Variants in TSC2 observed in about 807,000 individuals in gnomAD.
The protein encoded by TSC2 is TSC complex subunit 2.
In TSC2, 29 loss-of-function variants were observed where a neutral mutation model predicts 202.2. That is an observed-to-expected ratio of 0.14 (90% CI 0.11 to 0.20). TSC2 has a LOEUF of 0.20. TSC2 is among the 10% of genes least tolerant of loss of function. The pLI is 1.00. For missense variants in TSC2, 2,429 were observed against 2,420.0 expected, an observed-to-expected ratio of 1.00 and a Z score of -0.08; for synonymous variants, 1,349 against 1,044.0, an observed-to-expected ratio of 1.29 and a Z score of -5.63.
chr16:2,087,409 C>T (rs2090954739), intron 38 of TSC2, among the ~76,000 whole-genome samples: 1 of 151,330 alleles, frequency 6.6e-6, no homozygotes, highest in South Asian at 2.1e-4. Flanking sequence ...AACCAAAACC[C>T]CGGGGCTGGT....
rs1318655892 is a variant in TSC2 at position 2,070,547 on chromosome 16, C to G, written c.1808C>G (p.Thr603Ser). ...HIQLHYKHSY[T>S]LPIASSIRLQ... The stretch of plus-strand genomic sequence containing the variant: ...CAGCTCCACTACAAGCACAGCTACA[C>G]CCTGCCAATCGCGAGCAGCATCCGG... Residue 603 changes from threonine (T) to serine (S), a missense_variant, in exon 17 of 42, where the codon ACC (threonine) becomes AGC (serine). Physicochemically the swap from Thr to Ser is moderately conservative, Grantham distance 58. Coordinates refer to ENST00000219476, the MANE Select transcript of TSC2 (RefSeq NM_000548.5). 1 of 1,613,270 alleles carries G rather than the reference C, an allele frequency of 6.2e-7. No homozygotes were observed. Among genetic ancestry groups the G allele is most frequent in the East Asian group, 2.2e-5 (1 of 44,884 alleles).
intron 37 of TSC2, 60 bp from the exon 38 acceptor site, chr16:2,086,672 C>G: frequency 6.2e-7 from 1 of 1,600,282 alleles, no homozygotes. Context: ...TGCCCCAGTG[C>G]AAGGCACAGA....
rs545409457 is a variant in TSC2, at chr16:2,079,887, T to A, written c.3397+218T>A. 6.6e-6 allele frequency among the ~76,000 whole-genome samples: 1 copy of A among 152,294 alleles called. No homozygotes were observed. Among genetic ancestry groups the A allele is most frequent in the South Asian group, 2.1e-4 (1 of 4,826 alleles). On this transcript the variant is annotated intron_variant, in intron 29 of 41. Coordinates refer to ENST00000219476, the MANE Select transcript of TSC2 (RefSeq NM_000548.5). The surrounding 1 kb of genome is among the most constrained non-coding windows in gnomAD (Gnocchi z 4.6). Reference sequence around the variant, plus strand: ...CTGCAGAGGGGCCTGCTCTGGGTGCTGGTGTTTCCTGCGGGTTTTCAGCTC... The same window carrying A: ...CTGCAGAGGGGCCTGCTCTGGGTGCAGGTGTTTCCTGCGGGTTTTCAGCTC...
intron 26 of TSC2, chr16:2,078,128 C>T (rs2089658164): frequency 3.3e-6 from 1 of 301,036 alleles, no homozygotes; most frequent in South Asian, 3.1e-5. Flanking sequence ...TGAAAGGGAA[C>T]AAGGGGCATT....
chr16:2,059,996 C>T (rs529683077), intron 10 of TSC2, among the ~76,000 whole-genome samples: 75 of 152,122 alleles, frequency 4.9e-4, no homozygotes, highest in Non-Finnish European at 9.4e-4. Context: ...TTACATCTTG[C>T]GAGTTTCACC....
intron 10 of TSC2, among the ~76,000 whole-genome samples, chr16:2,060,458 A>T (rs1203922244): frequency 6.6e-6 from 1 of 152,160 alleles, no homozygotes; most frequent in African/African-American, 2.4e-5. Context: ...GCAGGCAGGC[A>T]TGGGGGTGGG....
intron 36 of TSC2, among the ~76,000 whole-genome samples, chr16:2,085,860 C>T (rs114547227): frequency 8.6e-4 from 131 of 152,272 alleles, no homozygotes; most frequent in Middle Eastern, 6.8e-3. Flanking sequence ...GTGAGTCCCT[C>T]CTGCTGTGTG....
chr16:2,069,862 T>C (rs2087990725), intron 16 of TSC2, among the ~76,000 whole-genome samples: 1 of 150,980 alleles, frequency 6.6e-6, no homozygotes, highest in Non-Finnish European at 1.5e-5. Context: ...ATCCACCCAC[T>C]TCAGCCTCCC....
At chr16:2,057,414 G>A (rs939825598) in intron 9 of TSC2, among the ~76,000 whole-genome samples, 3 of 152,276 alleles carry the variant, frequency 2.0e-5, no homozygotes, top group East Asian at 1.9e-4. Context: ...CCCATGCTCG[G>A]ACGTCCTCCA....
Position 2,072,227 on chromosome 16 carries a change from TC to T in TSC2, c.2098-12del, listed in dbSNP as rs1567466752. 11 of 1,613,896 alleles carry T rather than the reference TC, an allele frequency of 6.8e-6. No individual in the cohort carries two copies. Among genetic ancestry groups the T allele is most frequent in the Non-Finnish European group, 9.3e-6 (11 of 1,180,032 alleles). On this transcript the variant is annotated splice_polypyrimidine_tract_variant and intron_variant, in intron 19 of 41. Coordinates refer to ENST00000219476, the MANE Select transcript of TSC2 (RefSeq NM_000548.5). ...GTCCAGAAGGCCCTGTCCTGACGCCTCCTCTCCTCGCAGGAGTCTGACTGGA... is the reference window on the plus strand; with the variant it reads ...GTCCAGAAGGCCCTGTCCTGACGCCTCTCTCCTCGCAGGAGTCTGACTGGA...
At chr16:2,049,818 C>G (rs908069219) in intron 2 of TSC2, among the ~76,000 whole-genome samples, 7 of 151,584 alleles carry the variant, frequency 4.6e-5, no homozygotes, top group African/African-American at 1.7e-4. Context: ...GAGCAAAACT[C>G]CGTCTAAAAA....
At chr16:2,070,713 A>G (rs2088182988) in intron 17 of TSC2, 135 bp downstream of exon 17, 1 of 1,435,550 alleles carries the variant, frequency 7.0e-7, no homozygotes, top group Non-Finnish European at 9.4e-7. Flanking sequence ...CTCTGCACCC[A>G]CTGTGGCCGC....
intron 17 of TSC2, 55 bp from the exon 18 acceptor site, chr16:2,071,455 C>G (rs897795788): frequency 5.6e-6 from 9 of 1,601,722 alleles, no homozygotes; most frequent in Non-Finnish European, 7.7e-6. Context: ...GGGACGCCGC[C>G]TGTCCTGGGC....
At position 2,062,499 on chromosome 16, in the gene TSC2, G is replaced by T. The variant is rs876658585; in HGVS notation, c.1260G>T (p.Glu420Asp). 6.2e-7 allele frequency: 1 copy of T among 1,609,012 alleles called. No homozygotes were observed. The highest frequency in any genetic ancestry group is 8.5e-7 in the Non-Finnish European group (1 of 1,177,456). The change falls in exon 13 of 42, where the codon GAG becomes GAT. Residue 420 changes from glutamate (E) to aspartate (D), a missense_variant and splice_region_variant. By Grantham distance (45) the Glu-to-Asp change is conservative. Coordinates refer to ENST00000219476, the MANE Select transcript of TSC2 (RefSeq NM_000548.5). ...LVERCADQRP[E>D]SSLLNLISYR... Reference sequence around the variant, plus strand: ...AACACCGGCTCTTCTTTTGACAGGAGTCCTCCCTCCTGAACCTGATCTCCT... The same window carrying T: ...AACACCGGCTCTTCTTTTGACAGGATTCCTCCCTCCTGAACCTGATCTCCT...
At chr16:2,082,291 T>C (rs2090236807) in intron 31 of TSC2, 145 bp from the exon 32 acceptor site, 9 of 879,112 alleles carry the variant, frequency 1.0e-5, no homozygotes, top group Non-Finnish European at 1.7e-5. Flanking sequence ...AAGCAGCTTG[T>C]AGCTAGCACT....
At chr16:2,054,217 C>T (rs1446921123) in intron 4 of TSC2, 79 bp from the exon 5 acceptor site, 1 of 1,609,392 alleles carries the variant, frequency 6.2e-7, no homozygotes. Context: ...GTCCGGGTGC[C>T]CCTGCACTTC....
At chr16:2,055,366 C>A (rs773642257) in intron 5 of TSC2, 36 bp from the exon 6 acceptor site, 1 of 1,550,708 alleles carries the variant, frequency 6.4e-7, no homozygotes, top group Non-Finnish European at 8.9e-7. Context: ...GATGTAGATT[C>A]GGCGTCCTCG....
intron 26 of TSC2, chr16:2,078,107 T>G (rs980806071): frequency 9.7e-6 from 3 of 310,094 alleles, no homozygotes; most frequent in Non-Finnish European, 1.9e-5. Context: ...AGGTTTATTT[T>G]TTGTTGTAGC....
At position 2,088,573 on chromosome 16, in the gene TSC2, T is replaced by G. The variant is rs1371561573; in HGVS notation, c.5387T>G (p.Leu1796Arg). ...TATGAGGTGGGCCAGCGGAAGCGCC[T>G]CATCTCCTCGGTGGAGGACTTCACC... The part of the protein sequence containing the change: ...PGYEVGQRKR[L>R]ISSVEDFTEF... The change falls in exon 42 of 42, where the codon CTC (leucine) becomes CGC (arginine). Residue 1796 changes from leucine (L) to arginine (R), a missense_variant. Leu to Arg is a moderately radical substitution (Grantham distance 102). Coordinates refer to ENST00000219476, the MANE Select transcript of TSC2 (RefSeq NM_000548.5). 3 of 1,609,336 alleles carry G rather than the reference T, an allele frequency of 1.9e-6. No individual in the cohort carries two copies. The highest frequency in any genetic ancestry group is 3.3e-5 in the Admixed American group (2 of 59,996).
Sources: gnomAD v4.1 joint callset for allele counts (sites outside exome capture counted in the v4.1 genomes callset) on GRCh38, gnomAD v4.1.1 for gene constraint, Gnocchi (gnomAD v3.1) non-coding constraint, MANE v1.5 for transcripts, NCBI Gene and HGNC (gene_info 2026-07-23, HGNC 2026-07-21) for gene names.